The following AGL variants were observed in gnomAD, a reference collection of about 807,000 sequenced individuals.
AGL encodes amylo-alpha-1,6-glucosidase and 4-alpha-glucanotransferase, also known as glycogen debranching enzyme.
A neutral mutation model predicts 199.3 loss-of-function variants in AGL; 128 were observed. That is an observed-to-expected ratio of 0.64 (90% CI 0.56 to 0.74). The LOEUF (loss-of-function observed/expected upper bound fraction) is 0.74. AGL is among the 30% of genes least tolerant of loss of function. The pLI, the probability that AGL is intolerant of heterozygous loss-of-function variation, is 0.00. For synonymous variants in AGL, 584 were observed against 594.7 expected (o/e 0.98, Z 0.26); for missense variants, 1,809 against 1,820.8 (o/e 0.99, Z 0.12).
chr1:99,904,721 C>T (rs1269170520), intron 27 of AGL, among the ~76,000 whole-genome samples: 1 of 152,142 alleles, frequency 6.6e-6, no homozygotes, highest in African/African-American at 2.4e-5. Flanking sequence ...TTCTATATAA[C>T]CTTCTGAGAT....
intron 33 of AGL, among the ~76,000 whole-genome samples, chr1:99,920,587 G>A (rs1655447564): frequency 6.6e-6 from 1 of 152,090 alleles, no homozygotes; most frequent in Non-Finnish European, 1.5e-5. Flanking sequence ...TATTTTCCAT[G>A]TTTCTATGAC....
rs148390359 is a variant in AGL at position 99,907,693 on chromosome 1, G to GTTTTTTTTGTTTTTTTT, written c.3701-3010_3701-3009insTTTTTTTTTTTTTTTTG. On this transcript the variant is annotated intron_variant, in intron 27 of 33. Coordinates refer to ENST00000361915, the MANE Select transcript of AGL (RefSeq NM_000642.3). The stretch of plus-strand genomic sequence containing the variant: ...TTTTGTTCGTTTGTTTTTGTTTTTT[G>GTTTTTTTTGTTTTTTTT]TTTTTTTTGCTAGTAGCCATCCTAA... 8.1e-4 allele frequency among the ~76,000 whole-genome samples: 96 copies of GTTTTTTTTGTTTTTTTT among 118,964 alleles called. 8 individuals carry two copies. Among genetic ancestry groups the GTTTTTTTTGTTTTTTTT allele is most frequent in the South Asian group, 5.8e-3 (22 of 3,798 alleles). 78.0% of individuals were successfully genotyped at this position (118,964 alleles called of 152,430 possible).
rs1430797073 is a variant in AGL, at chr1:99,892,464, A to T, written c.3116A>T (p.His1039Leu). 1.9e-5 allele frequency: 31 copies of T among 1,613,514 alleles called. No individual in the cohort carries two copies. In the Admixed American group the frequency reaches 4.3e-4, roughly 23 times the overall value. The change falls in exon 24 of 34, where the codon CAC becomes CTC. Residue 1039 changes from histidine to leucine, a missense_variant. By Grantham distance (99) the His-to-Leu change is moderately conservative. Coordinates refer to ENST00000361915, the MANE Select transcript of AGL (RefSeq NM_000642.3). Reference protein sequence around the residue: ...FVQNGSTFVKHLSLGSVQLCG... With the variant: ...FVQNGSTFVKLLSLGSVQLCG... The stretch of plus-strand genomic sequence containing the variant: ...CAGAATGGTTCAACCTTTGTGAAAC[A>T]CCTTTCATTGGGTTCAGTTCAACTG...
intron 19 of AGL, 25 bp from the exon 20 acceptor site, chr1:99,884,544 A>T (rs1472932336): frequency 1.2e-6 from 2 of 1,612,968 alleles, no homozygotes; most frequent in Admixed American, 3.3e-5. Context: ...CTAAAAATTA[A>T]CCACTTTTTA....
At chr1:99,912,294 A>G in intron 28 of AGL, 111 bp from the exon 29 acceptor site, 1 of 819,652 alleles carries the variant, frequency 1.2e-6, no homozygotes. Flanking sequence ...GGATTTTTTA[A>G]TAGTTTTCAT....
At chr1:99,901,762 G>T (rs535397691) in intron 26 of AGL, among the ~76,000 whole-genome samples, 1 of 147,786 alleles carries the variant, frequency 6.8e-6, no homozygotes, top group Non-Finnish European at 1.5e-5. Flanking sequence ...ATATATGATT[G>T]GGGGGGCTGG....
At chr1:99,856,403 TTTCC>T (rs879549697) in intron 2 of AGL, among the ~76,000 whole-genome samples, 3 of 143,468 alleles carry the variant, frequency 2.1e-5, no homozygotes, top group South Asian at 2.4e-4. Flanking sequence ...TCCTTCCTTC[TTTCC>T]TTCCTTCTTC....
At chr1:99,880,199 G>A (rs901053569) in intron 13 of AGL, among the ~76,000 whole-genome samples, 153 bp downstream of exon 13, 1 of 152,114 alleles carries the variant, frequency 6.6e-6, no homozygotes, top group Non-Finnish European at 1.5e-5. Context: ...ATATAACTCA[G>A]TCTATTTTTA....
At chr1:99,914,174 G>A (rs750858767) in intron 30 of AGL, among the ~76,000 whole-genome samples, 6 of 152,168 alleles carry the variant, frequency 3.9e-5, no homozygotes, top group Non-Finnish European at 7.3e-5. Context: ...TAGGTTACAT[G>A]GAGTAGGCTG....
intron 17 of AGL, among the ~76,000 whole-genome samples, chr1:99,882,129 C>T (rs1210953275): frequency 1.4e-5 from 2 of 147,746 alleles, no homozygotes; most frequent in African/African-American, 5.0e-5. Context: ...AGAGTGAGAC[C>T]CTATCTCAAA....
intron 27 of AGL, among the ~76,000 whole-genome samples, chr1:99,909,802 GA>G: frequency 6.6e-6 from 1 of 150,446 alleles, no homozygotes; most frequent in East Asian, 2.1e-4. Context: ...TTGTACTTAA[GA>G]GAGGAAGATC....
intron 25 of AGL, among the ~76,000 whole-genome samples, chr1:99,898,739 A>G (rs1255486017): frequency 6.6e-6 from 1 of 152,178 alleles, no homozygotes; most frequent in Admixed American, 6.5e-5. Context: ...AGAGAGGGAA[A>G]GAGAGCTGGG....
chr1:99,891,816 A>G (rs1018777181), intron 23 of AGL, 77 bp downstream of exon 23: 216 of 1,539,024 alleles, frequency 1.4e-4, no homozygotes, highest in Admixed American at 5.7e-4. Flanking sequence ...ACATGTTCTT[A>G]AAAAACCAAA....
intron 2 of AGL, among the ~76,000 whole-genome samples, chr1:99,860,296 AG>A (rs1649928052): frequency 1.3e-5 from 2 of 151,848 alleles, no homozygotes; most frequent in South Asian, 4.1e-4. Context: ...GGTAAATATT[AG>A]TTTTTTTCCT....
intron 7 of AGL, among the ~76,000 whole-genome samples, chr1:99,874,257 TA>T (rs34530728): frequency 1.6e-4 from 23 of 147,336 alleles, no homozygotes; most frequent in Admixed American, 3.4e-4. Context: ...TTAAAGTGTT[TA>T]AAAAAAAAAA....
intron 2 of AGL, among the ~76,000 whole-genome samples, chr1:99,853,358 T>C (rs1402284721): frequency 6.6e-6 from 1 of 152,220 alleles, no homozygotes; most frequent in Non-Finnish European, 1.5e-5. Context: ...CTTATACCCG[T>C]ACTCCCATCA....
At chr1:99,851,356 C>A (rs1648936975) in intron 2 of AGL, among the ~76,000 whole-genome samples, 1 of 152,164 alleles carries the variant, frequency 6.6e-6, no homozygotes, top group Non-Finnish European at 1.5e-5. Flanking sequence ...GTTCTCTTTT[C>A]TCTGCGTACT....
intron 19 of AGL, 27 bp from the exon 20 acceptor site, chr1:99,884,542 T>G (rs1652301887): frequency 6.2e-7 from 1 of 1,613,004 alleles, no homozygotes; most frequent in Non-Finnish European, 8.5e-7. Flanking sequence ...TCCTAAAAAT[T>G]AACCACTTTT....
chr1:99,902,662 C>T (rs199918006), intron 26 of AGL, 21 bp from the exon 27 acceptor site: 2 of 1,555,076 alleles, frequency 1.3e-6, no homozygotes, highest in Non-Finnish European at 1.8e-6. Context: ...ACAGAGGTAA[C>T]ACCCATTATG....
Sources: allele counts gnomAD v4.1 joint callset (sites outside exome capture counted in the v4.1 genomes callset), GRCh38; gene constraint gnomAD v4.1.1; transcripts MANE v1.5; gene names NCBI Gene and HGNC (gene_info 2026-07-23, HGNC 2026-07-21).